The following PRKG2 variants were observed in gnomAD, a reference collection of about 807,000 sequenced individuals.
PRKG2 encodes the protein cGMP-dependent protein kinase 2.
A neutral mutation model predicts 97.2 loss-of-function variants in PRKG2; 33 were observed. The observed-to-expected ratio is 0.34, with a 90% CI of 0.26 to 0.45. PRKG2 has a LOEUF of 0.45. PRKG2 is among the 20% of genes least tolerant of loss of function. PRKG2 has a pLI of 1.00. For synonymous variants in PRKG2, 330 were observed against 321.8 expected, an observed-to-expected ratio of 1.03 and a Z score of -0.27; for missense variants, 638 against 900.0, an observed-to-expected ratio of 0.71 and a Z score of 3.73.
intron 10 of PRKG2, 109 bp downstream of exon 10, chr4:81,144,123 T>A: frequency 2.2e-6 from 2 of 905,598 alleles, no homozygotes; most frequent in Non-Finnish European, 3.5e-6. Flanking sequence ...AATTTTCTAG[T>A]GAAGGCACAT....
At chr4:81,162,316 G>A (rs1169271163) in intron 6 of PRKG2, among the ~76,000 whole-genome samples, 1 of 152,140 alleles carries the variant, frequency 6.6e-6, no homozygotes, top group Non-Finnish European at 1.5e-5. Flanking sequence ...ACACTTGCCA[G>A]CCTTCCTGCT....
At chr4:81,171,886 C>A (rs1190230125) in intron 3 of PRKG2, 82 bp from the exon 4 acceptor site, 7 of 917,516 alleles carry the variant, frequency 7.6e-6, no homozygotes, top group African/African-American at 1.7e-5. Flanking sequence ...ATAAAACAAT[C>A]ATAAAGCACA....
At chr4:81,149,077 C>A (rs1032320304) in intron 8 of PRKG2, 125 bp from the exon 9 acceptor site, 2 of 839,434 alleles carry the variant, frequency 2.4e-6, no homozygotes, top group Middle Eastern at 2.8e-4. Context: ...AAAACTGCTG[C>A]TTTTAAACAT....
chr4:81,114,123 T>C (rs185901043), intron 14 of PRKG2, among the ~76,000 whole-genome samples: 138 of 152,208 alleles, frequency 9.1e-4, no homozygotes, highest in African/African-American at 3.1e-3. Flanking sequence ...CACCACTTAT[T>C]TGAAGTCTTA....
intron 6 of PRKG2, among the ~76,000 whole-genome samples, chr4:81,166,408 T>G (rs558708714): frequency 6.6e-6 from 1 of 152,200 alleles, no homozygotes; most frequent in East Asian, 1.9e-4. Context: ...CATAAAGCCA[T>G]CTGGGTTTCA....
At chr4:81,137,254 G>A (rs1297650868) in intron 13 of PRKG2, 139 bp downstream of exon 13, 2 of 671,924 alleles carry the variant, frequency 3.0e-6, no homozygotes, top group African/African-American at 3.6e-5. Flanking sequence ...CATTAGCCAA[G>A]ACAATATCAC....
At chr4:81,102,045 A>G (rs1742857932) in intron 17 of PRKG2, among the ~76,000 whole-genome samples, 1 of 152,192 alleles carries the variant, frequency 6.6e-6, no homozygotes, top group Non-Finnish European at 1.5e-5. Flanking sequence ...GAGCATCTAC[A>G]CAACCGAAGA....
chr4:81,110,777 G>GGACA (rs112066945), intron 14 of PRKG2, among the ~76,000 whole-genome samples, 166 bp from the exon 15 acceptor site: 49 of 85,590 alleles, frequency 5.7e-4, no homozygotes, highest in African/African-American at 1.2e-3. Flanking sequence ...ACAGACAGAC[G>GGACA]GACAGACAGA....
rs1743815924 is a variant in PRKG2 at position 81,110,728 on chromosome 4, C to T, written c.1777-117G>A. 4.9e-5 allele frequency: 25 copies of T among 506,598 alleles called. No homozygotes were observed. In the South Asian group the frequency reaches 5.5e-4, roughly 11 times the overall value. 31.4% of individuals were successfully genotyped at this position (506,598 alleles called of 1,614,324 possible). On this transcript the variant is annotated intron_variant, in intron 14 of 18. Coordinates refer to ENST00000264399, the MANE Select transcript of PRKG2 (RefSeq NM_006259.3). Reference sequence around the variant, plus strand: ...ACCCCACCCTTCTTTTTATACCATGCACACACACACACACACACACAAAGA... The same window carrying T: ...ACCCCACCCTTCTTTTTATACCATGTACACACACACACACACACACAAAGA...
chr4:81,155,400 G>A (rs1033923574), intron 6 of PRKG2, among the ~76,000 whole-genome samples: 2 of 151,948 alleles, frequency 1.3e-5, no homozygotes, highest in African/African-American at 4.8e-5. Context: ...AAAGAAACGA[G>A]CAAAGCCTCC....
chr4:81,204,443 A>C (rs1373739817), intron 2 of PRKG2, 144 bp downstream of exon 2: 2 of 953,218 alleles, frequency 2.1e-6, no homozygotes, highest in Non-Finnish European at 3.2e-6. Flanking sequence ...TTTTTTGCAA[A>C]ACAAAATCAT....
rs1747189071 is a variant in PRKG2, at chr4:81,140,622, C to T, written c.1455G>A (p.Arg485=). 1.2e-6 allele frequency: 2 copies of T among 1,611,530 alleles called. No homozygotes were observed. Among genetic ancestry groups the T allele is most frequent in the Non-Finnish European group, 1.7e-6 (2 of 1,178,026 alleles). ...GCTTGGTGTCAACTATGTGCTTCTT[C>T]CTTATACACTTCATAGCAAAAGCAA... ...ENVAFAMKCI[R]KKHIVDTKQQ... The change falls in exon 12 of 19, where the codon AGG becomes AGA. Residue 485 remains arginine (R), a synonymous_variant. Transcript: ENST00000264399.
At position 81,110,531 on chromosome 4, in the gene PRKG2, A is replaced by T; in HGVS notation, c.1857T>A (p.Pro619=). 1 of 1,612,976 alleles carries T rather than the reference A, an allele frequency of 6.2e-7. No individual in the cohort carries two copies. The change falls in exon 15 of 19, where the codon CCT becomes CCA. Residue 619 remains proline, a synonymous_variant. Transcript: ENST00000264399. The part of the protein sequence containing the change: ...TFCGTPEYVA[P]EVILNKGHDF... ...CATGTCCCTTGTTGAGAATGACTTC[A>T]GGAGCTACATATTCTGGAGTCCCAC... is the stretch of plus-strand genomic sequence containing the variant.
In PRKG2 at chr4:81,142,709, T is replaced by C. The variant is rs1456765129; in HGVS notation, c.1407+85A>G. On this transcript the variant is annotated intron_variant, in intron 11 of 18. Coordinates refer to ENST00000264399, the MANE Select transcript of PRKG2 (RefSeq NM_006259.3). ...CATTTAAGATAGCAGTAACAATTCA[T>C]ATATTCCTCCAAGATATGCTGGAAT... 12 of 1,394,582 alleles carry C rather than the reference T, an allele frequency of 8.6e-6. No individual in the cohort carries two copies. The South Asian group carries it at 1.9e-4, about 22-fold the overall frequency. 86.4% of individuals were successfully genotyped at this position (1,394,582 alleles called of 1,614,324 possible). A position where few individuals can be genotyped will look rare whatever the true frequency, so the allele number is the denominator to read the frequency against.
chr4:81,142,759 G>A (rs747184356), intron 11 of PRKG2, 35 bp downstream of exon 11: 10 of 1,498,888 alleles, frequency 6.7e-6, no homozygotes, highest in Admixed American at 2.1e-5. Context: ...AAGTCAAAAG[G>A]CTTCTCTCAG....
chr4:81,176,708 G>A (rs550387331), intron 2 of PRKG2, among the ~76,000 whole-genome samples: 1 of 152,274 alleles, frequency 6.6e-6, no homozygotes, highest in South Asian at 2.1e-4. Flanking sequence ...ACACTTCAAA[G>A]AAGTCTTGCT....
chr4:81,093,865 T>G (rs1365276696), intron 17 of PRKG2, among the ~76,000 whole-genome samples: 1 of 152,128 alleles, frequency 6.6e-6, no homozygotes, highest in Non-Finnish European at 1.5e-5. Flanking sequence ...TCTCTCAGGA[T>G]CTTATAATAA....
intron 6 of PRKG2, among the ~76,000 whole-genome samples, chr4:81,164,423 C>T (rs1749815079): frequency 6.6e-6 from 1 of 151,536 alleles, no homozygotes; most frequent in Admixed American, 6.6e-5. Context: ...TTTCTTATGG[C>T]TCTGGATTTA....
intron 1 of PRKG2, among the ~76,000 whole-genome samples, chr4:81,208,277 A>T (rs1753786310): frequency 6.6e-6 from 1 of 152,214 alleles, no homozygotes; most frequent in African/African-American, 2.4e-5. Context: ...GGCAGGTATC[A>T]GACATGAAGT....
Sources: gnomAD v4.1 joint callset for allele counts (sites outside exome capture counted in the v4.1 genomes callset) on GRCh38, gnomAD v4.1.1 for gene constraint, MANE v1.5 for transcripts, NCBI Gene and HGNC (gene_info 2026-07-23, HGNC 2026-07-21) for gene names.